The following EXPH5 variants were observed in gnomAD, a reference collection of about 807,000 sequenced individuals.
The protein encoded by EXPH5 is exophilin 5, also known as exophilin-5.
EXPH5 carries 42 observed loss-of-function variants against 41.1 expected under a neutral mutation model. The observed-to-expected ratio is 1.02, with a 90% CI of 0.80 to 1.32. The LOEUF (loss-of-function observed/expected upper bound fraction) is 1.32. Among genes scored for constraint, EXPH5 ranks in the 40% most tolerant of loss-of-function variants. EXPH5 has a pLI of 0.00. For missense variants in EXPH5, 2,298 were observed against 2,314.5 expected, an observed-to-expected ratio of 0.99 and a Z score of 0.15; for synonymous variants, 798 against 833.5, an observed-to-expected ratio of 0.96 and a Z score of 0.73.
intron 1 of EXPH5, among the ~76,000 whole-genome samples, chr11:108,579,139 T>C (rs905121803): frequency 6.6e-6 from 1 of 152,124 alleles, no homozygotes; most frequent in Non-Finnish European, 1.5e-5. Context: ...TAGCTGTGGG[T>C]CTGTCCTATA....
At chr11:108,583,898 G>A (rs1183905244) in intron 1 of EXPH5, among the ~76,000 whole-genome samples, 2 of 152,072 alleles carry the variant, frequency 1.3e-5, no homozygotes, top group Non-Finnish European at 2.9e-5. Flanking sequence ...GACATGATTG[G>A]CCATGTAGAA....
chr11:108,541,552 A>G, intron 2 of EXPH5, 100 bp downstream of exon 2: 2 of 710,284 alleles, frequency 2.8e-6, no homozygotes, highest in Non-Finnish European at 4.5e-6. Context: ...AATAGTTCTA[A>G]ACATGGATTG....
At chr11:108,577,884 A>T (rs958081208) in intron 1 of EXPH5, among the ~76,000 whole-genome samples, 2 of 152,028 alleles carry the variant, frequency 1.3e-5, no homozygotes, top group African/African-American at 4.8e-5. Flanking sequence ...CCATTTTAAA[A>T]TTTGATTTTT....
intron 1 of EXPH5, among the ~76,000 whole-genome samples, chr11:108,582,431 A>C (rs999046113): frequency 6.6e-6 from 1 of 151,770 alleles, no homozygotes; most frequent in Admixed American, 6.6e-5. Flanking sequence ...ACGCCACTGC[A>C]CTCCAGCCTG....
At position 108,573,343 on chromosome 11, in the gene EXPH5, C is replaced by T. The variant is rs149130271; in HGVS notation, c.119+20075G>A. On this transcript the variant is annotated intron_variant, in intron 1 of 5. Coordinates refer to ENST00000265843, the MANE Select transcript of EXPH5 (RefSeq NM_015065.3). ...CCAGATCTAAATGACAATCAGTCCA[C>T]TTGATGGAGACCTCATGATGAATGG... 7.2e-5 allele frequency among the ~76,000 whole-genome samples: 11 copies of T among 152,294 alleles called. No individual in the cohort carries two copies. In the East Asian group the frequency reaches 2.1e-3, roughly 29 times the overall value.
chr11:108,532,383 T>A (rs1360767066), intron 3 of EXPH5, among the ~76,000 whole-genome samples: 2 of 99,862 alleles, frequency 2.0e-5, no homozygotes, highest in African/African-American at 9.5e-5. Context: ...TTTTTTTTTT[T>A]TTTTTTTTTT....
chr11:108,515,311 G>T (rs967898416), intron 5 of EXPH5, among the ~76,000 whole-genome samples: 6 of 152,004 alleles, frequency 3.9e-5, no homozygotes, highest in Non-Finnish European at 8.8e-5. Context: ...ATGTCACTAG[G>T]TTGCTACAAT....
chr11:108,592,808 T>A (rs1341764798), intron 1 of EXPH5, among the ~76,000 whole-genome samples: 1 of 152,216 alleles, frequency 6.6e-6, no homozygotes, highest in East Asian at 1.9e-4. Flanking sequence ...CCAAGTCCCA[T>A]TCGCCCACAT....
Position 108,513,207 on chromosome 11 carries a change from T to A in EXPH5, c.2300A>T (p.Lys767Ile). 1 of 1,614,128 alleles carries A rather than the reference T, an allele frequency of 6.2e-7. No individual in the cohort carries two copies. The highest frequency in any genetic ancestry group is 8.5e-7 in the Non-Finnish European group (1 of 1,180,022). ...CCTGGAAAAGACTCTGGGTGACTTT[T>A]TTGAACTTATTATGGTAGATGCATT... is the stretch of plus-strand genomic sequence containing the variant. ...GFNASTIISS[K>I]KSPRVFSRKD... is the part of the protein sequence containing the mutation. Residue 767 changes from lysine (K) to isoleucine (I), a missense_variant, in exon 6 of 6, where the codon AAA becomes ATA. Coordinates refer to ENST00000265843, the MANE Select transcript of EXPH5 (RefSeq NM_015065.3).
At chr11:108,568,176 G>A (rs12287146) in intron 1 of EXPH5, 7 of 76,462 alleles carry the variant, frequency 9.2e-5, no homozygotes, top group Non-Finnish European at 1.2e-4. Flanking sequence ...TACTTTTTTT[G>A]GGAGGGGGGG....
intron 1 of EXPH5, among the ~76,000 whole-genome samples, chr11:108,573,144 GA>G (rs1349196288): frequency 2.2e-4 from 20 of 89,766 alleles, no homozygotes; most frequent in African/African-American, 1.2e-3. Context: ...AAGAAGGAAA[GA>G]AAGAAAGAAA....
In EXPH5 at chr11:108,512,107, T is replaced by C. The variant is rs141078173; in HGVS notation, c.3400A>G (p.Thr1134Ala). The C allele has an allele frequency of 6.9e-4, 1,107 of 1,613,788 alleles. 2 individuals are homozygous for C. The highest frequency in any genetic ancestry group is 3.6e-3 in the Admixed American group (215 of 59,932). The change falls in exon 6 of 6, where the codon ACT becomes GCT. Residue 1134 changes from threonine to alanine, a missense_variant. Transcript: ENST00000265843. ...GGCTTTTTTCTTCCTTCTCTTCCAGTTGAGGCATGTGGCTCCCCTGAGGGA... is the reference window on the plus strand; with the variant it reads ...GGCTTTTTTCTTCCTTCTCTTCCAGCTGAGGCATGTGGCTCCCCTGAGGGA... Reference protein sequence around the residue: ...SCPSGEPHASTGREGRKKPLT... With the variant: ...SCPSGEPHASAGREGRKKPLT...
At chr11:108,523,168 G>T (rs77552278) in intron 4 of EXPH5, among the ~76,000 whole-genome samples, 3,775 of 152,038 alleles carry the variant, frequency 0.025, 147 homozygotes, top group African/African-American at 0.084. Flanking sequence ...GAACCACCAC[G>T]CCCAGCCTCC....
At chr11:108,565,960 C>T (rs546842573) in intron 1 of EXPH5, among the ~76,000 whole-genome samples, 2 of 152,222 alleles carry the variant, frequency 1.3e-5, no homozygotes, top group Admixed American at 1.3e-4. Context: ...GGTTGAAAAA[C>T]GCCTTTTCAA....
At chr11:108,593,337 G>C (rs2094132904) in intron 1 of EXPH5, 81 bp downstream of exon 1, 2 of 1,277,078 alleles carry the variant, frequency 1.6e-6, no homozygotes, top group South Asian at 1.3e-5. Flanking sequence ...GGTGCCCCGC[G>C]CGAGCTCAGC....
Position 108,510,342 on chromosome 11 carries a change from G to T in EXPH5, c.5165C>A (p.Ala1722Asp). 1 of 1,614,158 alleles carries T rather than the reference G, an allele frequency of 6.2e-7. No individual in the cohort carries two copies. The highest frequency in any genetic ancestry group is 8.5e-7 in the Non-Finnish European group (1 of 1,180,034). ...KHENSKDVTAAQNLVRESGAP... is the reference protein window; with the variant it reads ...KHENSKDVTADQNLVRESGAP... ...TCCTGATTCTCTTACTAAATTCTGA[G>T]CTGCTGTGACGTCTTTAGAATTCTC... Residue 1722 changes from alanine to aspartate, a missense_variant, in exon 6 of 6, where the codon GCT becomes GAT. Ala to Asp is a moderately radical substitution (Grantham distance 126, BLOSUM62 -2). Transcript: ENST00000265843.
Position 108,511,769 on chromosome 11 carries a change from A to C in EXPH5, c.3738T>G (p.Cys1246Trp), listed in dbSNP as rs927921923. Residue 1246 changes from cysteine (C) to tryptophan (W), a missense_variant, in exon 6 of 6, where the codon TGT (cysteine) becomes TGG (tryptophan). Coordinates refer to ENST00000265843, the MANE Select transcript of EXPH5 (RefSeq NM_015065.3). ...TGTAATATATTGAGACCACCTCCAG[A>C]CATTTTACATTATCTTCATCACCAG... is the stretch of plus-strand genomic sequence containing the variant. ...SVSGDEDNVK[C>W]LEVVSIYYTL... 3.1e-6 allele frequency: 5 copies of C among 1,610,750 alleles called. No individual in the cohort carries two copies. The African/African-American group carries it at 4.0e-5, about 13-fold the overall frequency.
At chr11:108,584,476 T>C (rs1478038872) in intron 1 of EXPH5, among the ~76,000 whole-genome samples, 1 of 146,756 alleles carries the variant, frequency 6.8e-6, no homozygotes, top group African/African-American at 2.5e-5. Context: ...AGACCCTGTC[T>C]CAAAAAAAAA....
rs376613833 is a variant in EXPH5 at position 108,593,630 on chromosome 11, G to T, written c.-94C>A. 3.0e-4 allele frequency: 488 copies of T among 1,602,932 alleles called. 5 individuals are homozygous for T. The South Asian group carries it at 4.8e-3, about 16-fold the overall frequency. ...TGTACAAGACCAGTTTCACGAACTT[G>T]ATCCCACAGCCAATAATAAGTCCGC... On this transcript the variant is annotated 5_prime_UTR_variant, in exon 1 of 6. Coordinates refer to ENST00000265843, the MANE Select transcript of EXPH5 (RefSeq NM_015065.3).
Sources: gnomAD v4.1 joint callset for allele counts (sites outside exome capture counted in the v4.1 genomes callset) on GRCh38, gnomAD v4.1.1 for gene constraint, MANE v1.5 for transcripts, NCBI Gene and HGNC (gene_info 2026-07-23, HGNC 2026-07-21) for gene names.